PTPRG: variants seen among roughly 807,000 people sequenced by gnomAD.
PTPRG encodes protein tyrosine phosphatase receptor type G, also known as receptor-type tyrosine-protein phosphatase gamma.
PTPRG carries 102 observed loss-of-function variants against 165.3 expected under a neutral mutation model. That is an observed-to-expected ratio of 0.62 (90% CI 0.53 to 0.73). PTPRG has a LOEUF of 0.73. Among genes scored for constraint, PTPRG ranks in the 30% least tolerant of loss-of-function variants. The pLI is 0.00. For synonymous variants in PTPRG, 675 were observed against 669.5 expected (o/e 1.01, Z -0.13); for missense variants, 1,866 against 1,861.4 (o/e 1.00, Z -0.05).
intron 1 of PTPRG, among the ~76,000 whole-genome samples, chr3:61,588,395 A>G (rs1226608887): frequency 6.8e-6 from 1 of 148,012 alleles, no homozygotes; most frequent in Non-Finnish European, 1.5e-5. Flanking sequence ...TTTTTTTTTT[A>G]TCTTGAGACA....
At chr3:62,023,530 C>G (rs1340551976) in intron 4 of PTPRG, among the ~76,000 whole-genome samples, 2 of 152,116 alleles carry the variant, frequency 1.3e-5, no homozygotes, top group Non-Finnish European at 2.9e-5. Flanking sequence ...CCTATGCACT[C>G]CTCCAAGTAT....
intron 2 of PTPRG, among the ~76,000 whole-genome samples, chr3:61,801,823 G>C (rs548379443): frequency 6.6e-6 from 1 of 152,072 alleles, no homozygotes; most frequent in Admixed American, 6.5e-5. Context: ...TTTGAGACCC[G>C]CCTGGCCAAC....
At chr3:61,728,687 G>A (rs758987696) in intron 1 of PTPRG, among the ~76,000 whole-genome samples, 2 of 151,724 alleles carry the variant, frequency 1.3e-5, no homozygotes, top group Non-Finnish European at 2.9e-5. Context: ...TATTTTTTTT[G>A]TATCTTATTA....
intron 4 of PTPRG, among the ~76,000 whole-genome samples, chr3:62,006,662 A>G (rs1040816645): frequency 3.9e-5 from 6 of 152,162 alleles, no homozygotes; most frequent in African/African-American, 1.2e-4. Flanking sequence ...GAGTACAGCT[A>G]TGGTTCTGAG....
At chr3:62,157,941 G>A (rs79635599) in intron 7 of PTPRG, among the ~76,000 whole-genome samples, 7,718 of 152,246 alleles carry the variant, frequency 0.051, 378 homozygotes, top group African/African-American at 0.13. Flanking sequence ...ACATCATGGC[G>A]TGGAGAGATT....
rs375342767 is a variant in PTPRG at position 61,887,915 on chromosome 3, A to G, written c.191-101710A>G. ...ACTTAAAATCTAATTTTTCACAGGG[A>G]CAACGTTATAGATTCAGTCAGAGAG... is the stretch of plus-strand genomic sequence containing the variant. On this transcript the variant is annotated intron_variant, in intron 2 of 29. Coordinates refer to ENST00000474889, the MANE Select transcript of PTPRG (RefSeq NM_002841.4). Among the ~76,000 whole-genome samples the G allele has an allele frequency of 1.9e-4, 29 of 152,308 alleles. No homozygotes were observed. In the East Asian group the frequency reaches 2.3e-3, roughly 12 times the overall value.
intron 2 of PTPRG, among the ~76,000 whole-genome samples, chr3:61,871,592 A>G (rs975418095): frequency 5.9e-5 from 9 of 152,138 alleles, no homozygotes; most frequent in African/African-American, 1.9e-4. Flanking sequence ...GCCCTGTTGG[A>G]TCATGGTTGA....
rs535046691 is a variant in PTPRG at position 61,605,089 on chromosome 3, C to T, written c.85+42717C>T. Among the ~76,000 whole-genome samples the T allele has an allele frequency of 2.0e-5, 3 of 152,286 alleles. No individual in the cohort carries two copies. The East Asian group carries it at 5.8e-4, about 29-fold the overall frequency. On this transcript the variant is annotated intron_variant, in intron 1 of 29. Transcript: ENST00000474889. Reference sequence around the variant, plus strand: ...TTCAGCACATCCAACATCTGATAAACTGGCATCTCCCATTCGCTATCCTTC... The same window carrying T: ...TTCAGCACATCCAACATCTGATAAATTGGCATCTCCCATTCGCTATCCTTC...
At position 62,229,642 on chromosome 3, in the gene PTPRG, C is replaced by G. The variant is rs1700848184; in HGVS notation, c.2289-1583C>G. The stretch of plus-strand genomic sequence containing the variant: ...TGTTCAGTCTATTCTAGGTAACAAC[C>G]ATCTTTCTTTGGATTTCTCAGAATT... On this transcript the variant is annotated intron_variant, in intron 13 of 29. Transcript: ENST00000474889. This position sits in a 1 kb window ranked among gnomAD's most constrained non-coding sequence, Gnocchi z 4.6. Among the ~76,000 whole-genome samples, 1 of 152,184 alleles carries G rather than the reference C, an allele frequency of 6.6e-6. No homozygotes were observed. The highest frequency in any genetic ancestry group is 2.4e-5 in the African/African-American group (1 of 41,446).
At chr3:61,584,196 A>T (rs1177330536) in intron 1 of PTPRG, among the ~76,000 whole-genome samples, 2 of 151,986 alleles carry the variant, frequency 1.3e-5, no homozygotes, top group Non-Finnish European at 2.9e-5. Flanking sequence ...AATCCTAAGG[A>T]TCTGTAAGGA....
chr3:62,006,722 G>C lies in PTPRG; in HGVS notation c.519+3225G>C, dbSNP rs191613780. Among the ~76,000 whole-genome samples, 230 of 152,184 alleles carry C rather than the reference G, an allele frequency of 1.5e-3. 1 individual carries two copies. Among genetic ancestry groups the C allele is most frequent in the African/African-American group, 5.3e-3 (220 of 41,516 alleles). On this transcript the variant is annotated intron_variant, in intron 4 of 29. Transcript: ENST00000474889. Reference sequence around the variant, plus strand: ...ACCCTGGGACATTAGGTAATGTCTGGAGACATTTCTTGTTATTGCCATTGT... The same window carrying C: ...ACCCTGGGACATTAGGTAATGTCTGCAGACATTTCTTGTTATTGCCATTGT...
At chr3:61,705,597 G>A (rs34963340) in intron 1 of PTPRG, among the ~76,000 whole-genome samples, 16,754 of 152,202 alleles carry the variant, frequency 0.11, 1,165 homozygotes, top group East Asian at 0.17. Context: ...GTATAACTGT[G>A]CAATAAAGAA....
At chr3:61,694,956 G>C (rs928854870) in intron 1 of PTPRG, among the ~76,000 whole-genome samples, 4 of 152,010 alleles carry the variant, frequency 2.6e-5, no homozygotes, top group Admixed American at 2.6e-4. Context: ...AGTAGCTTCT[G>C]GGGAGGAGAC....
At position 61,882,245 on chromosome 3, in the gene PTPRG, A is replaced by G. The variant is rs377129921; in HGVS notation, c.191-107380A>G. Reference sequence around the variant, plus strand: ...TCAGTCAACTGCGTGTGTTGTTTACACAATTCCAGTGACTAGTTGGGAAGT... The same window carrying G: ...TCAGTCAACTGCGTGTGTTGTTTACGCAATTCCAGTGACTAGTTGGGAAGT... On this transcript the variant is annotated intron_variant, in intron 2 of 29. Coordinates refer to ENST00000474889, the MANE Select transcript of PTPRG (RefSeq NM_002841.4). Among the ~76,000 whole-genome samples the G allele has an allele frequency of 3.3e-5, 5 of 152,244 alleles. No individual in the cohort carries two copies. In the East Asian group the frequency reaches 7.7e-4, roughly 23 times the overall value.
intron 6 of PTPRG, among the ~76,000 whole-genome samples, chr3:62,144,021 T>C (rs958065918): frequency 2.0e-5 from 3 of 152,206 alleles, no homozygotes; most frequent in Admixed American, 2.0e-4. Context: ...GCAGACCAAA[T>C]CCAGCCCACT....
At chr3:62,093,109 C>T (rs35871922) in intron 5 of PTPRG, among the ~76,000 whole-genome samples, 7,731 of 152,224 alleles carry the variant, frequency 0.051, 271 homozygotes, top group Non-Finnish European at 0.068. Context: ...ATGGCCTGAA[C>T]ATCGGTATTT....
intron 6 of PTPRG, among the ~76,000 whole-genome samples, chr3:62,151,425 A>C (rs1026883620): frequency 6.6e-6 from 1 of 152,198 alleles, no homozygotes; most frequent in African/African-American, 2.4e-5. Context: ...TAGACTACTT[A>C]ATACAGTGTG....
At chr3:61,632,761 C>G (rs897474793) in intron 1 of PTPRG, among the ~76,000 whole-genome samples, 1 of 152,188 alleles carries the variant, frequency 6.6e-6, no homozygotes, top group Admixed American at 6.5e-5. Flanking sequence ...AATTATTTCA[C>G]AAAGAACTAG....
At chr3:62,017,605 TA>T (rs1314511575) in intron 4 of PTPRG, among the ~76,000 whole-genome samples, 1 of 123,460 alleles carries the variant, frequency 8.1e-6, no homozygotes, top group Non-Finnish European at 1.8e-5. Context: ...TTTTTTTTTT[TA>T]GTAGAGACGG....
Sources: gnomAD v4.1 joint callset for allele counts (sites outside exome capture counted in the v4.1 genomes callset) on GRCh38, gnomAD v4.1.1 for gene constraint, Gnocchi (gnomAD v3.1) non-coding constraint, MANE v1.5 for transcripts, NCBI Gene and HGNC (gene_info 2026-07-23, HGNC 2026-07-21) for gene names.